Variants in RIMS2 observed in about 807,000 individuals in gnomAD.
The protein encoded by RIMS2 is regulating synaptic membrane exocytosis protein 2.
Under a neutral mutation model 174.4 loss-of-function variants are expected in RIMS2, and 59 were observed. That is an observed-to-expected ratio of 0.34 (90% confidence interval 0.27 to 0.42). The LOEUF (loss-of-function observed/expected upper bound fraction) is 0.42, where lower values mean the gene tolerates loss of function less well. Ranked by LOEUF, RIMS2 falls within the 10% of genes least tolerant of loss-of-function variation. RIMS2 has a pLI of 1.00. For synonymous variants in RIMS2, 606 were observed against 572.5 expected (o/e 1.06, Z -0.84); for missense variants, 1,620 against 1,666.3 (o/e 0.97, Z 0.48).
intron 1 of RIMS2, among the ~76,000 whole-genome samples, chr8:103,579,575 G>T (rs901865102): frequency 6.6e-6 from 1 of 152,128 alleles, no homozygotes; most frequent in African/African-American, 2.4e-5. Context: ...GATTTAAAGT[G>T]TAGAGTTTTT....
intron 1 of RIMS2, among the ~76,000 whole-genome samples, chr8:103,632,024 G>T (rs973152401): frequency 1.3e-5 from 2 of 152,204 alleles, no homozygotes; most frequent in African/African-American, 4.8e-5. Flanking sequence ...GAGCTTTTGT[G>T]TAGAGACTAT....
intron 1 of RIMS2, among the ~76,000 whole-genome samples, chr8:103,582,338 G>C (rs2093665275): frequency 6.6e-6 from 1 of 152,176 alleles, no homozygotes; most frequent in Non-Finnish European, 1.5e-5. Flanking sequence ...GCTGGCATCA[G>C]ATGAGACTCA....
chr8:103,511,589 G>A (rs111566548), intron 1 of RIMS2, among the ~76,000 whole-genome samples: 2 of 152,188 alleles, frequency 1.3e-5, no homozygotes, highest in South Asian at 2.1e-4. Context: ...CTTCATGACA[G>A]GGTTTAGGAT....
chr8:103,876,568 C>G (rs1359101017), intron 3 of RIMS2, among the ~76,000 whole-genome samples: 1 of 150,924 alleles, frequency 6.6e-6, no homozygotes, highest in East Asian at 2.0e-4. Flanking sequence ...TACACTGAAC[C>G]CAACTTGTAG....
chr8:104,077,830 A>G (rs1341631662), intron 19 of RIMS2, among the ~76,000 whole-genome samples: 1 of 151,406 alleles, frequency 6.6e-6, no homozygotes, highest in Non-Finnish European at 1.5e-5. Context: ...CTCCTGTTAC[A>G]TAAAAGATCT....
intron 1 of RIMS2, among the ~76,000 whole-genome samples, chr8:103,534,253 A>G (rs1301263448): frequency 6.6e-6 from 1 of 152,218 alleles, no homozygotes; most frequent in African/African-American, 2.4e-5. Context: ...TATGCTTCCT[A>G]TGCTGTCAAT....
chr8:103,950,902 G>A (rs999321372), intron 14 of RIMS2, among the ~76,000 whole-genome samples: 1 of 152,156 alleles, frequency 6.6e-6, no homozygotes, highest in Non-Finnish European at 1.5e-5. Context: ...ATTATAAGAA[G>A]TGAATCTATC....
intron 17 of RIMS2, among the ~76,000 whole-genome samples, chr8:104,007,126 CT>C (rs2095613062): frequency 6.6e-6 from 1 of 152,084 alleles, no homozygotes; most frequent in South Asian, 2.1e-4. Flanking sequence ...GATTATATAA[CT>C]TCTGAGATTC....
At chr8:104,122,199 A>AT (rs796567847) in intron 19 of RIMS2, among the ~76,000 whole-genome samples, 2,126 of 149,372 alleles carry the variant, frequency 0.014, 53 homozygotes, top group African/African-American at 0.048. Flanking sequence ...GTAAGTGGAG[A>AT]TTTTTTTTTT....
chr8:104,112,100 C>A (rs1474991288), intron 19 of RIMS2, among the ~76,000 whole-genome samples: 1 of 152,138 alleles, frequency 6.6e-6, no homozygotes, highest in Middle Eastern at 3.2e-3. Flanking sequence ...ATACCCTCTT[C>A]ATTAAAAGAA....
At chr8:104,229,664 A>G (rs1587900486) in intron 19 of RIMS2, among the ~76,000 whole-genome samples, 1 of 151,954 alleles carries the variant, frequency 6.6e-6, no homozygotes, top group Non-Finnish European at 1.5e-5. Flanking sequence ...CCCTTGCTCT[A>G]TTACCCAGAC....
intron 19 of RIMS2, among the ~76,000 whole-genome samples, chr8:104,182,389 G>A (rs76155503): frequency 1.3e-5 from 2 of 151,582 alleles, no homozygotes; most frequent in African/African-American, 4.8e-5. Context: ...GATTCATACA[G>A]CACATATCTG....
intron 16 of RIMS2, among the ~76,000 whole-genome samples, chr8:103,983,138 A>T (rs1051834423): frequency 3.9e-5 from 6 of 152,220 alleles, no homozygotes; most frequent in Admixed American, 6.5e-5. Flanking sequence ...AAGTAATTCC[A>T]CTTATAACAA....
chr8:103,600,910 C>T (rs2094704752), intron 1 of RIMS2, among the ~76,000 whole-genome samples: 1 of 152,006 alleles, frequency 6.6e-6, no homozygotes, highest in Admixed American at 6.6e-5. Flanking sequence ...GTGAGAGATC[C>T]CATTGTAGTT....
At chr8:103,567,220 A>G (rs1407374289) in intron 1 of RIMS2, among the ~76,000 whole-genome samples, 1 of 152,174 alleles carries the variant, frequency 6.6e-6, no homozygotes, top group Non-Finnish European at 1.5e-5. Context: ...GGCATTTGGT[A>G]CATTTGCAGT....
intron 19 of RIMS2, among the ~76,000 whole-genome samples, chr8:104,169,304 CTATATATATATATATATA>C (rs751636552): frequency 2.3e-5 from 2 of 87,544 alleles, no homozygotes; most frequent in African/African-American, 5.1e-5. Context: ...TTGTTGTTGG[CTATATATATATATATATA>C]TATATATATA....
chr8:103,779,117 G>T (rs1256466229), intron 3 of RIMS2, among the ~76,000 whole-genome samples: 2 of 152,136 alleles, frequency 1.3e-5, no homozygotes, highest in African/African-American at 4.8e-5. Flanking sequence ...CTACTGAGTT[G>T]TTTGAGCTCT....
intron 9 of RIMS2, 89 bp from the exon 13 acceptor site, chr8:103,921,583 A>G (rs752444730): frequency 4.4e-6 from 3 of 688,540 alleles, no homozygotes; most frequent in Non-Finnish European, 8.0e-6. Flanking sequence ...CATCAAAAAA[A>G]TAAATAATTT....
intron 1 of RIMS2, among the ~76,000 whole-genome samples, chr8:103,677,695 C>A (rs1246538818): frequency 1.3e-5 from 2 of 152,000 alleles, no homozygotes; most frequent in Admixed American, 1.3e-4. Flanking sequence ...AAACTTTGGG[C>A]AAATTAAATT....
Sources: allele counts gnomAD v4.1 joint callset (sites outside exome capture counted in the v4.1 genomes callset), GRCh38; gene constraint gnomAD v4.1.1; transcripts MANE v1.5; gene names NCBI Gene and HGNC (gene_info 2026-07-23, HGNC 2026-07-21).